Variants in DSCAM observed in about 807,000 individuals in gnomAD.
DSCAM encodes the protein cell adhesion molecule DSCAM.
Under a neutral mutation model 217.7 loss-of-function variants are expected in DSCAM, and 47 were observed. The observed-to-expected ratio is 0.22, with a 90% CI of 0.17 to 0.28. The LOEUF (loss-of-function observed/expected upper bound fraction) is 0.28, where lower values mean the gene tolerates loss of function less well. DSCAM is among the 10% of genes least tolerant of loss of function. DSCAM has a pLI of 1.00. For synonymous variants in DSCAM, 1,056 were observed against 1,015.3 expected, an observed-to-expected ratio of 1.04 and a Z score of -0.76; for missense variants, 2,080 against 2,618.3, an observed-to-expected ratio of 0.79 and a Z score of 4.49.
chr21:40,457,309 C>T (rs902448563), intron 3 of DSCAM, among the ~76,000 whole-genome samples: 12 of 151,816 alleles, frequency 7.9e-5, no homozygotes, highest in African/African-American at 2.7e-4. Flanking sequence ...CCTAGGAGTT[C>T]GAGACCAGCC....
At chr21:40,368,935 G>A (rs913815518) in intron 4 of DSCAM, among the ~76,000 whole-genome samples, 164 bp downstream of exon 4, 6 of 152,184 alleles carry the variant, frequency 3.9e-5, no homozygotes, top group Admixed American at 2.0e-4. Context: ...CTATGAAATT[G>A]TACTCATATT....
chr21:40,075,330 G>C, intron 26 of DSCAM, 117 bp from the exon 27 acceptor site: 1 of 1,088,526 alleles, frequency 9.2e-7, no homozygotes, highest in Non-Finnish European at 1.3e-6. Flanking sequence ...GAGGTGATGA[G>C]AAATGAAAAG....
chr21:40,650,152 C>T (rs2089995437), intron 3 of DSCAM, among the ~76,000 whole-genome samples: 1 of 152,030 alleles, frequency 6.6e-6, no homozygotes, highest in African/African-American at 2.4e-5. Flanking sequence ...GAACTGCTTC[C>T]CAAGGTCAAA....
intron 3 of DSCAM, among the ~76,000 whole-genome samples, chr21:40,578,182 T>A (rs2076870261): frequency 6.6e-6 from 1 of 152,126 alleles, no homozygotes; most frequent in Non-Finnish European, 1.5e-5. Flanking sequence ...CCTAGAGGTA[T>A]CCGGCAGTAT....
intron 32 of DSCAM, among the ~76,000 whole-genome samples, chr21:40,015,082 T>C (rs556864262): frequency 1.3e-5 from 2 of 152,328 alleles, no homozygotes; most frequent in South Asian, 4.1e-4. Flanking sequence ...CTCTCAGGCC[T>C]CTCTCGGAAG....
At chr21:40,693,666 C>CTCTGA (rs1299706874) in intron 2 of DSCAM, among the ~76,000 whole-genome samples, 1 of 151,986 alleles carries the variant, frequency 6.6e-6, no homozygotes, top group Non-Finnish European at 1.5e-5. Flanking sequence ...AACTCTGAGA[C>CTCTGA]AATTAAAATA....
At chr21:40,304,920 A>G (rs537650804) in intron 9 of DSCAM, among the ~76,000 whole-genome samples, 138 of 152,342 alleles carry the variant, frequency 9.1e-4, no homozygotes, top group Middle Eastern at 3.4e-3. Context: ...ACCAATCACC[A>G]TAACAGACAT....
At chr21:40,038,897 C>T (rs1234752700) in intron 32 of DSCAM, among the ~76,000 whole-genome samples, 1 of 151,020 alleles carries the variant, frequency 6.6e-6, no homozygotes, top group South Asian at 2.1e-4. Context: ...AATCATCATT[C>T]TCAGTAAACT....
chr21:40,789,622 G>C (rs1291958058), intron 1 of DSCAM, among the ~76,000 whole-genome samples: 48 of 145,224 alleles, frequency 3.3e-4, no homozygotes, highest in Non-Finnish European at 3.3e-4. Context: ...GTGGCACCAT[G>C]TTGGCTCACT....
chr21:40,686,887 G>A (rs1413485201), intron 3 of DSCAM, among the ~76,000 whole-genome samples: 21 of 152,094 alleles, frequency 1.4e-4, no homozygotes, highest in Admixed American at 1.3e-3. Context: ...TTTAGTGAGC[G>A]ATAGACTTAA....
At chr21:40,451,390 T>C (rs934220208) in intron 3 of DSCAM, among the ~76,000 whole-genome samples, 8 of 152,200 alleles carry the variant, frequency 5.3e-5, no homozygotes, top group Non-Finnish European at 1.2e-4. Context: ...GCTGCTTTAA[T>C]GGTTATGAAA....
intron 30 of DSCAM, among the ~76,000 whole-genome samples, chr21:40,046,322 AATC>A (rs1440617972): frequency 2.0e-5 from 3 of 152,206 alleles, no homozygotes; most frequent in African/African-American, 4.8e-5. Flanking sequence ...AGATCTCCTA[AATC>A]ATCAGAATAC....
intron 3 of DSCAM, among the ~76,000 whole-genome samples, chr21:40,421,646 C>G (rs1281792270): frequency 1.3e-5 from 2 of 152,224 alleles, no homozygotes; most frequent in Non-Finnish European, 2.9e-5. Context: ...TTTCCGCCAT[C>G]AAGGGGCATA....
At chr21:40,608,749 A>T (rs1466933053) in intron 3 of DSCAM, among the ~76,000 whole-genome samples, 4 of 152,188 alleles carry the variant, frequency 2.6e-5, no homozygotes, top group African/African-American at 9.7e-5. Flanking sequence ...GGAAATTTAA[A>T]TAAATTCACA....
At chr21:40,053,971 T>C (rs999022527) in intron 29 of DSCAM, among the ~76,000 whole-genome samples, 4 of 152,326 alleles carry the variant, frequency 2.6e-5, no homozygotes, top group African/African-American at 9.6e-5. Context: ...GTAACCTCTC[T>C]GTGTCTCAGT....
chr21:40,376,770 C>T (rs559277550), intron 3 of DSCAM, among the ~76,000 whole-genome samples: 22 of 150,346 alleles, frequency 1.5e-4, no homozygotes, highest in African/African-American at 5.1e-4. Context: ...GAACGAGCTA[C>T]AGATATTTCC....
intron 1 of DSCAM, among the ~76,000 whole-genome samples, chr21:40,723,850 G>T (rs1032818403): frequency 1.3e-5 from 2 of 152,130 alleles, no homozygotes; most frequent in African/African-American, 2.4e-5. Flanking sequence ...GTGTAAGAAT[G>T]TTCTTTTTAT....
intron 11 of DSCAM, among the ~76,000 whole-genome samples, chr21:40,230,927 C>A (rs1446441037): frequency 6.6e-6 from 1 of 151,954 alleles, no homozygotes; most frequent in African/African-American, 2.4e-5. Context: ...GATGTCCCCA[C>A]AACCCCCACC....
chr21:40,049,446 C>G (rs1423711301), intron 30 of DSCAM, among the ~76,000 whole-genome samples: 1 of 152,118 alleles, frequency 6.6e-6, no homozygotes, highest in Non-Finnish European at 1.5e-5. Flanking sequence ...GACTTGGACC[C>G]AAGAGAGCCC....
Sources: allele counts gnomAD v4.1 joint callset (sites outside exome capture counted in the v4.1 genomes callset), GRCh38; gene constraint gnomAD v4.1.1; transcripts MANE v1.5; gene names NCBI Gene and HGNC (gene_info 2026-07-23, HGNC 2026-07-21).